GPATCH2L: variants seen among roughly 807,000 people sequenced by gnomAD.
GPATCH2L encodes G-patch domain containing 2 like, also known as G patch domain-containing protein 2-like.
In GPATCH2L, 31 loss-of-function variants were observed where a neutral mutation model predicts 57.4. The ratio of observed to expected loss-of-function variants is 0.54; its 90% CI spans 0.41 to 0.73. The LOEUF is 0.73. Among genes scored for constraint, GPATCH2L ranks in the 30% least tolerant of loss-of-function variants. The pLI, the probability that GPATCH2L is intolerant of heterozygous loss-of-function variation, is 0.00. For missense variants in GPATCH2L, 481 were observed against 599.9 expected, an observed-to-expected ratio of 0.80 and a Z score of 2.07; for synonymous variants, 199 against 210.7, an observed-to-expected ratio of 0.94 and a Z score of 0.48.
Position 76,194,502 on chromosome 14 carries a change from T to TGTGTGTGTGTGTGC in GPATCH2L, c.1194-1373_1194-1372insTGTGTGTGTGCGTG, listed in dbSNP as rs985038118. 3.3e-3 allele frequency among the ~76,000 whole-genome samples: 497 copies of TGTGTGTGTGTGTGC among 152,198 alleles called. 3 individuals are homozygous for TGTGTGTGTGTGTGC. Among genetic ancestry groups the TGTGTGTGTGTGTGC allele is most frequent in the African/African-American group, 0.011 (461 of 41,524 alleles). On this transcript the variant is annotated intron_variant, in intron 8 of 9. Coordinates refer to ENST00000261530, the MANE Select transcript of GPATCH2L (RefSeq NM_017926.4). ...ACATGAAAGTGTGTGTGTGTGTGTGTGTGCACGCTCATGCTTGCGTGCACG... is the reference window on the plus strand; with the variant it reads ...ACATGAAAGTGTGTGTGTGTGTGTGTGTGTGTGTGTGTGCGTGCACGCTCATGCTTGCGTGCACG...
intron 8 of GPATCH2L, among the ~76,000 whole-genome samples, chr14:76,186,236 G>A (rs1054888609): frequency 6.6e-6 from 1 of 151,984 alleles, no homozygotes; most frequent in African/African-American, 2.4e-5. Flanking sequence ...GGAGGCATTT[G>A]GACAGAGTTG....
intron 5 of GPATCH2L, chr14:76,176,341 G>T (rs2039327290): frequency 2.5e-6 from 1 of 400,058 alleles, no homozygotes; most frequent in Non-Finnish European, 4.5e-6. Flanking sequence ...GTTACAGGAG[G>T]TATAGTACTT....
chr14:76,228,312 G>A lies in GPATCH2L; in HGVS notation c.66-1496G>A, dbSNP rs140901500. Among the ~76,000 whole-genome samples, 32 of 152,276 alleles carry A rather than the reference G, an allele frequency of 2.1e-4. No individual in the cohort carries two copies. The East Asian group carries it at 6.2e-3, about 29-fold the overall frequency. On this transcript the variant is annotated intron_variant and NMD_transcript_variant, in intron 1 of 3. Transcript: ENST00000556372. ...ATGTTGGATTCCTTTGGGGGAAGGGGGAACATAAATACTTGGTGTTTGATG... is the reference window on the plus strand; with the variant it reads ...ATGTTGGATTCCTTTGGGGGAAGGGAGAACATAAATACTTGGTGTTTGATG...
At chr14:76,233,026 C>T (rs1033580505) in intron 2 of GPATCH2L, among the ~76,000 whole-genome samples, 3 of 152,206 alleles carry the variant, frequency 2.0e-5, no homozygotes. Flanking sequence ...ATCCCAAGGT[C>T]CAAAAGCTCA....
intron 7 of GPATCH2L, chr14:76,178,407 G>A (rs2039425327): frequency 2.4e-6 from 1 of 419,990 alleles, no homozygotes; most frequent in Admixed American, 4.6e-5. Context: ...TTTTGTAGAA[G>A]ACAGTTTTTC....
chr14:76,215,011 AC>A (rs2040480365), downstream of GPATCH2L, among the ~76,000 whole-genome samples: 1 of 152,128 alleles, frequency 6.6e-6, no homozygotes, highest in Non-Finnish European at 1.5e-5. Flanking sequence ...GAATTCTTTT[AC>A]TTTTGAAGTT....
At chr14:76,220,991 T>C (rs1254301778) in intron 1 of GPATCH2L, among the ~76,000 whole-genome samples, 1 of 151,806 alleles carries the variant, frequency 6.6e-6, no homozygotes, top group African/African-American at 2.4e-5. Context: ...AACCCAGAGA[T>C]TGGTTCTCTG....
In GPATCH2L at chr14:76,201,547, T is replaced by TA. The variant is rs1309734285; in HGVS notation, c.1289-143dup. On this transcript the variant is annotated intron_variant, in intron 9 of 9. Transcript: ENST00000261530. Reference sequence around the variant, plus strand: ...TACTTTTTTGTAGAGAAGAAAGAGATACCTTACGTGGCCACTTGGGTTACT... The same window carrying TA: ...TACTTTTTTGTAGAGAAGAAAGAGATAACCTTACGTGGCCACTTGGGTTACT... 3.0e-4 allele frequency: 142 copies of TA among 478,076 alleles called. 1 individual carries two copies. The East Asian group carries it at 3.8e-3, about 13-fold the overall frequency. The allele number at this position is 478,076 out of a possible 1,614,324, so 29.6% of individuals were successfully genotyped here.
At chr14:76,181,784 C>T (rs1353868133) in intron 8 of GPATCH2L, among the ~76,000 whole-genome samples, 2 of 152,176 alleles carry the variant, frequency 1.3e-5, no homozygotes, top group Non-Finnish European at 2.9e-5. Flanking sequence ...ATAGGCTGGA[C>T]CCTAGAAGTT....
intron 1 of GPATCH2L, chr14:76,152,422 G>T: frequency 6.9e-6 from 2 of 289,250 alleles, no homozygotes; most frequent in South Asian, 6.1e-5. Context: ...TAGAAGAGCC[G>T]ATCCCCGCCC....
intron 8 of GPATCH2L, among the ~76,000 whole-genome samples, chr14:76,187,249 C>A (rs1333686107): frequency 6.6e-6 from 1 of 151,934 alleles, no homozygotes; most frequent in Non-Finnish European, 1.5e-5. Context: ...CTTACTTGTT[C>A]TCTGATTACA....
At chr14:76,178,480 T>G (rs2039428652) in intron 7 of GPATCH2L, 1 of 249,634 alleles carries the variant, frequency 4.0e-6, no homozygotes, top group Non-Finnish European at 8.0e-6. Context: ...ATGCATTACA[T>G]TTATTGTGTA....
chr14:76,166,384 C>T (rs1022475840), intron 2 of GPATCH2L, among the ~76,000 whole-genome samples: 5 of 152,154 alleles, frequency 3.3e-5, no homozygotes, highest in African/African-American at 9.7e-5. Context: ...GTTGAGATTA[C>T]GTCTTTGAGC....
intron 5 of GPATCH2L, 109 bp downstream of exon 5, chr14:76,173,734 G>A (rs769523003): frequency 2.7e-6 from 2 of 737,662 alleles, no homozygotes; most frequent in South Asian, 2.9e-5. Flanking sequence ...GAAGTTAATG[G>A]AGCCAACTGG....
At chr14:76,232,008 CTCAA>C (rs2040570586) in intron 2 of GPATCH2L, among the ~76,000 whole-genome samples, 1 of 152,032 alleles carries the variant, frequency 6.6e-6, no homozygotes, top group Non-Finnish European at 1.5e-5. Context: ...TCACTGCAGG[CTCAA>C]GCAATCTTCC....
At chr14:76,158,315 G>A (rs1297046890) in intron 2 of GPATCH2L, among the ~76,000 whole-genome samples, 1 of 152,170 alleles carries the variant, frequency 6.6e-6, no homozygotes, top group East Asian at 1.9e-4. Context: ...ACCTTCTGCG[G>A]CCCTTTGGTG....
At chr14:76,186,595 G>A (rs1422768179) in intron 8 of GPATCH2L, among the ~76,000 whole-genome samples, 1 of 152,200 alleles carries the variant, frequency 6.6e-6, no homozygotes, top group South Asian at 2.1e-4. Context: ...GTGTGAAGCA[G>A]TTTCTGCTAT....
At chr14:76,214,567 C>T (rs2139853734), downstream of GPATCH2L, among the ~76,000 whole-genome samples, 2 of 152,238 alleles carry the variant, frequency 1.3e-5, no homozygotes, top group South Asian at 4.1e-4. Flanking sequence ...ATAGATGGCA[C>T]CTTCTAATTG....
At chr14:76,197,743 A>G (rs1329993811) in intron 9 of GPATCH2L, among the ~76,000 whole-genome samples, 1 of 152,188 alleles carries the variant, frequency 6.6e-6, no homozygotes, top group African/African-American at 2.4e-5. Flanking sequence ...TCCTAGCACT[A>G]AATCACGCTA....
Sources: allele counts gnomAD v4.1 joint callset (sites outside exome capture counted in the v4.1 genomes callset), GRCh38; gene constraint gnomAD v4.1.1; transcripts MANE v1.5; gene names NCBI Gene and HGNC (gene_info 2026-07-23, HGNC 2026-07-21).